ZNF136: variants seen among roughly 807,000 people sequenced by gnomAD.
ZNF136 encodes the protein zinc finger protein 136.
Under a neutral mutation model 11.4 loss-of-function variants are expected in ZNF136, and 8 were observed. That is an observed-to-expected ratio of 0.70 (90% confidence interval 0.41 to 1.27). The LOEUF (loss-of-function observed/expected upper bound fraction) is 1.27. Among genes scored for constraint, ZNF136 ranks in the 50% most tolerant of loss-of-function variants. The pLI is 0.01. For synonymous variants in ZNF136, 190 were observed against 207.1 expected (o/e 0.92, Z 0.71); for missense variants, 590 against 656.5 (o/e 0.90, Z 1.11).
intron 2 of ZNF136, 35 bp from the exon 3 acceptor site, chr19:12,186,079 C>T (rs761172535): frequency 1.3e-6 from 2 of 1,597,010 alleles, no homozygotes; most frequent in Non-Finnish European, 1.7e-6. Flanking sequence ...TATAATTTTG[C>T]ACTAATTCAG....
chr19:12,166,227 C>CAA (rs748858496), intron 1 of ZNF136, among the ~76,000 whole-genome samples: 1 of 135,242 alleles, frequency 7.4e-6, no homozygotes, highest in Admixed American at 7.5e-5. Flanking sequence ...GACTCCGTCT[C>CAA]AAAAAAAAAA....
intron 1 of ZNF136, among the ~76,000 whole-genome samples, chr19:12,175,963 A>G (rs1485082367): frequency 6.6e-6 from 1 of 152,012 alleles, no homozygotes; most frequent in Non-Finnish European, 1.5e-5. Flanking sequence ...TGATCATGAA[A>G]TTTTTTTTAA....
Position 12,163,171 on chromosome 19 carries a change from AG to A in ZNF136, c.-30del. 1 of 1,398,030 alleles carries A rather than the reference AG, an allele frequency of 7.2e-7. No homozygotes were observed. The highest frequency in any genetic ancestry group is 9.4e-7 in the Non-Finnish European group (1 of 1,068,690). The allele number at this position is 1,398,030 out of a possible 1,614,324, so 86.6% of individuals were successfully genotyped here. A position where few individuals can be genotyped will look rare whatever the true frequency, so the allele number is the denominator to read the frequency against. On this transcript the variant is annotated 5_prime_UTR_variant, in exon 1 of 4. Transcript: ENST00000343979. ...TTCCTGTACCTGCCTTGGGATCCGG[AG>A]GGAGGAAGCTGGGACACCCGGGAGT...
intron 1 of ZNF136, among the ~76,000 whole-genome samples, chr19:12,165,202 A>T (rs1287862332): frequency 6.6e-6 from 1 of 152,230 alleles, no homozygotes; most frequent in Non-Finnish European, 1.5e-5. Flanking sequence ...TTGGGTACAC[A>T]GTGTCGCGTA....
chr19:12,171,808 A>G (rs562929725), intron 1 of ZNF136, among the ~76,000 whole-genome samples: 5 of 151,768 alleles, frequency 3.3e-5, no homozygotes, highest in African/African-American at 7.3e-5. Flanking sequence ...GGCCTACTTA[A>G]TTTTCTTGTA....
Position 12,187,213 on chromosome 19 carries a change from C to A in ZNF136, c.835C>A (p.Pro279Thr). 2 of 1,613,794 alleles carry A rather than the reference C, an allele frequency of 1.2e-6. No individual in the cohort carries two copies. The highest frequency in any genetic ancestry group is 2.2e-5 in the South Asian group (2 of 91,050). Residue 279 changes from proline (P) to threonine (T), a missense_variant, in exon 4 of 4, where the codon CCC becomes ACC. By Grantham distance (38) the Pro-to-Thr change is conservative. Transcript: ENST00000343979. Reference protein sequence around the residue: ...VHERIHTGEKPFKCKQCGKAF... With the variant: ...VHERIHTGEKTFKCKQCGKAF... The stretch of plus-strand genomic sequence containing the variant: ...TGAAAGAATTCACACTGGAGAAAAA[C>A]CCTTTAAATGTAAGCAATGTGGTAA...
chr19:12,165,970 G>A (rs1033209350), intron 1 of ZNF136, among the ~76,000 whole-genome samples: 4 of 152,178 alleles, frequency 2.6e-5, no homozygotes, highest in South Asian at 2.1e-4. Flanking sequence ...GCTCACGCCT[G>A]TAATCCCAGC....
At chr19:12,180,079 G>C (rs1326203934) in intron 1 of ZNF136, among the ~76,000 whole-genome samples, 1 of 152,002 alleles carries the variant, frequency 6.6e-6, no homozygotes. Flanking sequence ...TGTTAGCCAG[G>C]ATGGTCTTGA....
At chr19:12,181,009 C>T (rs749987308) in intron 1 of ZNF136, among the ~76,000 whole-genome samples, 12 of 152,208 alleles carry the variant, frequency 7.9e-5, no homozygotes, top group East Asian at 1.9e-4. Flanking sequence ...CAATCAGGCG[C>T]GCCTCAGAGC....
chr19:12,169,919 C>T (rs865843287), intron 1 of ZNF136, among the ~76,000 whole-genome samples: 16 of 152,102 alleles, frequency 1.1e-4, no homozygotes, highest in South Asian at 2.1e-4. Flanking sequence ...CTCAGCCTCC[C>T]AAGTAGCTGG....
intron 2 of ZNF136, 29 bp downstream of exon 2, chr19:12,185,940 C>T (rs1354490908): frequency 6.2e-7 from 1 of 1,610,472 alleles, no homozygotes; most frequent in Non-Finnish European, 8.5e-7. Flanking sequence ...CATCACTTAG[C>T]AATTAAAGAA....
rs1251598472 is a variant in ZNF136, at chr19:12,189,844, T to A, written c.*1843T>A. On this transcript the variant is annotated 3_prime_UTR_variant, in exon 4 of 4. Transcript: ENST00000343979. Reference sequence around the variant, plus strand: ...TGATTTTGGGATAAGGAGACAGCTATGATAGAATAATAAAATCTAAAATGG... The same window carrying A: ...TGATTTTGGGATAAGGAGACAGCTAAGATAGAATAATAAAATCTAAAATGG... 3 of 152,232 alleles carry A rather than the reference T, an allele frequency of 2.0e-5. No individual in the cohort carries two copies. Among genetic ancestry groups the A allele is most frequent in the Non-Finnish European group, 4.4e-5 (3 of 68,040 alleles). The allele number at this position is 152,232 out of a possible 1,614,324, so 9.4% of individuals were successfully genotyped here.
At chr19:12,168,095 G>A (rs563408655) in intron 1 of ZNF136, among the ~76,000 whole-genome samples, 3 of 85,838 alleles carry the variant, frequency 3.5e-5, no homozygotes, top group African/African-American at 1.3e-4. Flanking sequence ...TTTGTGAGAC[G>A]GAGCTTCGCT....
At position 12,187,093 on chromosome 19, in the gene ZNF136, G is replaced by T. The variant is rs1915122011; in HGVS notation, c.715G>T (p.Val239Phe). ...AAAAGCCTTCACTTGTATCACAAGTGTTCGAAGACACATGATAAAGCACAC... is the reference window on the plus strand; with the variant it reads ...AAAAGCCTTCACTTGTATCACAAGTTTTCGAAGACACATGATAAAGCACAC... ...CGKAFTCITSVRRHMIKHTGD... is the reference protein window; with the variant it reads ...CGKAFTCITSFRRHMIKHTGD... Residue 239 changes from valine (V) to phenylalanine (F), a missense_variant, in exon 4 of 4, where the codon GTT (valine) becomes TTT (phenylalanine). Coordinates refer to ENST00000343979, the MANE Select transcript of ZNF136 (RefSeq NM_003437.5). 6.2e-7 allele frequency: 1 copy of T among 1,613,762 alleles called. No individual in the cohort carries two copies. The highest frequency in any genetic ancestry group is 8.5e-7 in the Non-Finnish European group (1 of 1,179,980).
intron 1 of ZNF136, among the ~76,000 whole-genome samples, chr19:12,182,579 T>C (rs1599458740): frequency 1.3e-5 from 2 of 152,222 alleles, no homozygotes; most frequent in African/African-American, 4.8e-5. Context: ...TTTGGAGACA[T>C]GTTAGTGGTC....
At chr19:12,185,958 T>C in intron 2 of ZNF136, 47 bp downstream of exon 2, 1 of 1,610,528 alleles carries the variant, frequency 6.2e-7, no homozygotes, top group Non-Finnish European at 8.5e-7. Context: ...GAAGAAGTGC[T>C]TCTTGTGCAG....
chr19:12,176,056 T>G (rs1438934742), intron 1 of ZNF136, among the ~76,000 whole-genome samples: 1 of 152,338 alleles, frequency 6.6e-6, no homozygotes, highest in South Asian at 2.1e-4. Flanking sequence ...GTAGCTGTTA[T>G]GTATCCATTT....
Position 12,170,689 on chromosome 19 carries a change from G to A in ZNF136, c.3+7483G>A, listed in dbSNP as rs185034086. On this transcript the variant is annotated intron_variant, in intron 1 of 3. Coordinates refer to ENST00000343979, the MANE Select transcript of ZNF136 (RefSeq NM_003437.5). ...TAAATTTTTTTTTTTTTTTCGAGAC[G>A]GAGTCTCGCTCTGTCGCCAGGCCAG... is the stretch of plus-strand genomic sequence containing the variant. Among the ~76,000 whole-genome samples, 254 of 148,796 alleles carry A rather than the reference G, an allele frequency of 1.7e-3. 3 individuals carry two copies. The East Asian group carries it at 0.032, about 19-fold the overall frequency.
rs562710737 is a variant in ZNF136 at position 12,179,959 on chromosome 19, G to A, written c.4-5826G>A. On this transcript the variant is annotated intron_variant, in intron 1 of 3. Transcript: ENST00000343979. ...CGGCTCACTGCAAGCTCCACCTCCC[G>A]GGTTCACACCATTCTCCTGCCTCAG... 5.5e-4 allele frequency among the ~76,000 whole-genome samples: 83 copies of A among 151,852 alleles called. No homozygotes were observed. In the South Asian group the frequency reaches 0.016, roughly 30 times the overall value.
Sources: gnomAD v4.1 joint callset for allele counts (sites outside exome capture counted in the v4.1 genomes callset) on GRCh38, gnomAD v4.1.1 for gene constraint, MANE v1.5 for transcripts, NCBI Gene and HGNC (gene_info 2026-07-23, HGNC 2026-07-21) for gene names.